DOCK7: variants seen among roughly 807,000 people sequenced by gnomAD.
DOCK7 encodes dedicator of cytokinesis 7, also known as dedicator of cytokinesis protein 7.
DOCK7 carries 138 observed loss-of-function variants against 271.0 expected under a neutral mutation model. That is an observed-to-expected ratio of 0.51 (90% CI 0.44 to 0.59). The LOEUF is 0.59. DOCK7 is among the 20% of genes least tolerant of loss of function. The probability of loss-of-function intolerance (pLI) is 0.00; values close to 1 mark genes in which losing one functional copy is unlikely to be tolerated. For synonymous variants in DOCK7, 823 were observed against 876.1 expected, an observed-to-expected ratio of 0.94 and a Z score of 1.07; for missense variants, 2,066 against 2,592.4, an observed-to-expected ratio of 0.80 and a Z score of 4.41.
intron 37 of DOCK7, among the ~76,000 whole-genome samples, chr1:62,502,627 G>A (rs1400980504): frequency 6.6e-6 from 1 of 152,170 alleles, no homozygotes; most frequent in African/African-American, 2.4e-5. Context: ...TAAAGAAATA[G>A]AGTACTAGGG....
intron 37 of DOCK7, among the ~76,000 whole-genome samples, chr1:62,499,294 G>C (rs1646711856): frequency 6.6e-6 from 1 of 152,140 alleles, no homozygotes; most frequent in South Asian, 2.1e-4. Flanking sequence ...GGTTAAGACA[G>C]AAGACTTCCC....
intron 7 of DOCK7, chr1:62,641,317 G>A: frequency 4.9e-6 from 2 of 411,296 alleles, no homozygotes; most frequent in East Asian, 7.1e-5. Context: ...GGAGCCCCAG[G>A]TAGGCAAACT....
intron 11 of DOCK7, chr1:62,627,501 GAAC>G (rs1654095444): frequency 6.6e-6 from 1 of 151,974 alleles, no homozygotes; most frequent in Non-Finnish European, 1.5e-5. Context: ...GGAAAAAAAC[GAAC>G]AATAACAATT....
At chr1:62,669,841 C>T (rs1285022035) in intron 1 of DOCK7, among the ~76,000 whole-genome samples, 1 of 152,236 alleles carries the variant, frequency 6.6e-6, no homozygotes, top group Non-Finnish European at 1.5e-5. Flanking sequence ...CCTTTCTGGG[C>T]TGGCCAAGGC....
chr1:62,562,212 G>A (rs1309572467), intron 18 of DOCK7, among the ~76,000 whole-genome samples: 3 of 135,428 alleles, frequency 2.2e-5, no homozygotes, highest in Non-Finnish European at 4.8e-5. Context: ...GCAAAAGCCT[G>A]TTGGTTTAAG....
intron 23 of DOCK7, among the ~76,000 whole-genome samples, chr1:62,544,696 C>T (rs765857298): frequency 6.6e-6 from 1 of 152,082 alleles, no homozygotes; most frequent in Non-Finnish European, 1.5e-5. Flanking sequence ...GCATAAGCAG[C>T]AGGCACTGAA....
At chr1:62,633,411 T>C in intron 10 of DOCK7, 87 bp downstream of exon 10, 1 of 985,392 alleles carries the variant, frequency 1.0e-6, no homozygotes, top group Non-Finnish European at 1.6e-6. Flanking sequence ...TTAATTGCTA[T>C]TGCATATAAA....
chr1:62,651,425 T>G (rs1208980242), intron 4 of DOCK7, among the ~76,000 whole-genome samples: 1 of 137,526 alleles, frequency 7.3e-6, no homozygotes, highest in Non-Finnish European at 1.5e-5. Context: ...GTTGTGCACA[T>G]GTACCCTAGA....
At chr1:62,670,813 T>A (rs1659900487) in intron 1 of DOCK7, among the ~76,000 whole-genome samples, 1 of 152,112 alleles carries the variant, frequency 6.6e-6, no homozygotes, top group South Asian at 2.1e-4. Flanking sequence ...GATAAGAGAA[T>A]AAAAGCAGGC....
intron 14 of DOCK7, among the ~76,000 whole-genome samples, chr1:62,592,347 G>T (rs1362420193): frequency 1.3e-5 from 2 of 151,850 alleles, no homozygotes; most frequent in Non-Finnish European, 2.9e-5. Flanking sequence ...TAGATCAAAG[G>T]CTAAAATAAT....
At position 62,688,273 on chromosome 1, in the gene DOCK7, C is replaced by A; in HGVS notation, c.-9G>T. On this transcript the variant is annotated 5_prime_UTR_variant, in exon 1 of 50. Coordinates refer to ENST00000635253, the MANE Select transcript of DOCK7 (RefSeq NM_001367561.1). Reference sequence around the variant, plus strand: ...GCGCGGCGCTCGGCCATGGCTGCTGCGGCGACGGCGACGGCGGCGGCGGCT... The same window carrying A: ...GCGCGGCGCTCGGCCATGGCTGCTGAGGCGACGGCGACGGCGGCGGCGGCT... 2 of 1,289,032 alleles carry A rather than the reference C, an allele frequency of 1.6e-6. No homozygotes were observed. The highest frequency in any genetic ancestry group is 2.0e-6 in the Non-Finnish European group (2 of 1,010,806). 79.8% of individuals were successfully genotyped at this position (1,289,032 alleles called of 1,614,324 possible). A position where few individuals can be genotyped will look rare whatever the true frequency, so the allele number is the denominator to read the frequency against.
At chr1:62,580,995 G>T (rs1647100077) in intron 16 of DOCK7, among the ~76,000 whole-genome samples, 1 of 152,096 alleles carries the variant, frequency 6.6e-6, no homozygotes, top group South Asian at 2.1e-4. Flanking sequence ...GGCTGTTTTT[G>T]CACTATAATG....
At chr1:62,562,952 T>C (rs1209749547) in intron 18 of DOCK7, among the ~76,000 whole-genome samples, 6 of 152,124 alleles carry the variant, frequency 3.9e-5, no homozygotes, top group Admixed American at 1.3e-4. Context: ...CAGCCTGAAA[T>C]GAGGTACCCC....
chr1:62,686,975 T>C (rs1661852201), intron 1 of DOCK7, among the ~76,000 whole-genome samples: 1 of 151,970 alleles, frequency 6.6e-6, no homozygotes, highest in Non-Finnish European at 1.5e-5. Flanking sequence ...TGGGGGGGAC[T>C]CGCTATGTTG....
intron 21 of DOCK7, among the ~76,000 whole-genome samples, chr1:62,553,480 C>T (rs1646026347): frequency 6.8e-6 from 1 of 147,230 alleles, no homozygotes; most frequent in South Asian, 2.1e-4. Context: ...CCTGGACTCC[C>T]ACCTCAGCCT....
intron 11 of DOCK7, chr1:62,627,781 A>T (rs1414993013): frequency 6.6e-6 from 1 of 152,224 alleles, no homozygotes; most frequent in Non-Finnish European, 1.5e-5. Flanking sequence ...TCAAAGATTT[A>T]AAATTGTTAA....
At chr1:62,663,226 T>G (rs969640418) in intron 1 of DOCK7, 96 bp from the exon 2 acceptor site, 3 of 969,062 alleles carry the variant, frequency 3.1e-6, no homozygotes, top group East Asian at 2.4e-5. Context: ...AAAGATTCAT[T>G]TAAAGAAAAA....
chr1:62,592,684 CA>C (rs1299009555), intron 14 of DOCK7, among the ~76,000 whole-genome samples: 1 of 151,816 alleles, frequency 6.6e-6, no homozygotes, highest in Non-Finnish European at 1.5e-5. Flanking sequence ...AAGACGGCAA[CA>C]GAGATGGCCA....
chr1:62,673,019 T>C (rs1473555287), intron 1 of DOCK7, among the ~76,000 whole-genome samples: 1 of 152,278 alleles, frequency 6.6e-6, no homozygotes, highest in African/African-American at 2.4e-5. Context: ...CTGTTTCCTA[T>C]CCTTCATGTA....
Sources: allele counts gnomAD v4.1 joint callset (sites outside exome capture counted in the v4.1 genomes callset), GRCh38; gene constraint gnomAD v4.1.1; transcripts MANE v1.5; gene names NCBI Gene and HGNC (gene_info 2026-07-23, HGNC 2026-07-21).